Variants in RMDN2 observed in about 807,000 individuals in gnomAD.
RMDN2 encodes regulator of microtubule dynamics 2.
Under a neutral mutation model 52.8 loss-of-function variants are expected in RMDN2, and 61 were observed. That is an observed-to-expected ratio of 1.16 (90% CI 0.94 to 1.43). The LOEUF is 1.43. RMDN2 is among the 40% of genes most tolerant of loss of function. RMDN2 has a pLI of 0.00. For missense variants in RMDN2, 592 were observed against 475.3 expected (o/e 1.25, Z -2.28); for synonymous variants, 180 against 153.1 (o/e 1.18, Z -1.30).
intron 10 of RMDN2, chr2:38,029,464 C>G (rs1680021076): frequency 1.3e-5 from 2 of 152,238 alleles, no homozygotes; most frequent in East Asian, 3.9e-4. Context: ...TTGACCTACC[C>G]TAAGATCTTC....
intron 8 of RMDN2, among the ~76,000 whole-genome samples, chr2:38,000,158 G>A (rs2125173668): frequency 6.6e-6 from 1 of 152,230 alleles, no homozygotes; most frequent in Admixed American, 6.5e-5. Flanking sequence ...AGTCATCTGT[G>A]AATCCCCTGG....
chr2:38,050,115 C>T (rs1280740527), intron 10 of RMDN2, among the ~76,000 whole-genome samples: 2 of 152,162 alleles, frequency 1.3e-5, no homozygotes, highest in Non-Finnish European at 2.9e-5. Context: ...CACATTTCTA[C>T]AAACTGGCAG....
chr2:37,992,861 A>C (rs1163543348), intron 7 of RMDN2, among the ~76,000 whole-genome samples: 1 of 152,158 alleles, frequency 6.6e-6, no homozygotes, highest in Non-Finnish European at 1.5e-5. Context: ...GCCCAGGGTC[A>C]CTCAGCTAAT....
chr2:37,981,419 C>CT (rs1673296964), intron 5 of RMDN2, 76 bp downstream of exon 5: 3 of 925,756 alleles, frequency 3.2e-6, no homozygotes, highest in Non-Finnish European at 5.3e-6. Flanking sequence ...TTTCAAAATA[C>CT]TATTGACTCA....
chr2:37,969,392 T>A (rs1236325019), intron 2 of RMDN2, among the ~76,000 whole-genome samples: 3 of 151,802 alleles, frequency 2.0e-5, no homozygotes, highest in Non-Finnish European at 2.9e-5. Context: ...TTTCAGATAT[T>A]ATTTTGTAAT....
chr2:37,983,765 ACT>A (rs1673629969), intron 5 of RMDN2, among the ~76,000 whole-genome samples: 1 of 152,052 alleles, frequency 6.6e-6, no homozygotes, highest in Non-Finnish European at 1.5e-5. Flanking sequence ...ATTCTGCTGG[ACT>A]CTCTTTAATT....
upstream of RMDN2, among the ~76,000 whole-genome samples, chr2:37,921,167 T>C (rs1666019217): frequency 6.6e-6 from 1 of 152,230 alleles, no homozygotes; most frequent in African/African-American, 2.4e-5. Flanking sequence ...CATTTTTAAT[T>C]TGTTCAGTAT....
intron 10 of RMDN2, among the ~76,000 whole-genome samples, chr2:38,023,026 G>A (rs897660533): frequency 6.6e-6 from 1 of 152,152 alleles, no homozygotes; most frequent in African/African-American, 2.4e-5. Flanking sequence ...ATGTAGAATG[G>A]GGGCTCTAAG....
Position 37,974,963 on chromosome 2 carries a change from A to T in RMDN2, c.628-249A>T, listed in dbSNP as rs1672273945. Reference sequence around the variant, plus strand: ...CCTATCAAATCTCTTCTCTGCATAGATGGAGCTAGTGTCTGGATAATATTA... The same window carrying T: ...CCTATCAAATCTCTTCTCTGCATAGTTGGAGCTAGTGTCTGGATAATATTA... On this transcript the variant is annotated intron_variant, in intron 3 of 10. Transcript: ENST00000354545. The T allele has an allele frequency of 7.2e-6, 3 of 419,156 alleles. No individual in the cohort carries two copies. In the South Asian group the frequency reaches 8.3e-5, roughly 12 times the overall value. The allele number at this position is 419,156 out of a possible 1,614,324, so 26.0% of individuals were successfully genotyped here.
At chr2:37,931,537 G>A (rs1239790324) in intron 2 of RMDN2, among the ~76,000 whole-genome samples, 1 of 152,236 alleles carries the variant, frequency 6.6e-6, no homozygotes, top group Non-Finnish European at 1.5e-5. Context: ...TGCTGAAGGA[G>A]TATAGACCAA....
intron 7 of RMDN2, among the ~76,000 whole-genome samples, chr2:37,994,381 A>G (rs1266816425): frequency 6.6e-6 from 1 of 152,234 alleles, no homozygotes; most frequent in East Asian, 1.9e-4. Flanking sequence ...AGGACTTAAC[A>G]GAGCTTTTCT....
intron 2 of RMDN2, among the ~76,000 whole-genome samples, chr2:37,939,895 T>C (rs142073252): frequency 6.6e-6 from 1 of 152,208 alleles, no homozygotes; most frequent in Non-Finnish European, 1.5e-5. Flanking sequence ...AAGGTTAATA[T>C]TGTTATGTGT....
At chr2:37,953,371 C>A (rs965849523) in intron 2 of RMDN2, among the ~76,000 whole-genome samples, 1 of 151,990 alleles carries the variant, frequency 6.6e-6, no homozygotes, top group East Asian at 1.9e-4. Context: ...TAGCCCTTGT[C>A]AACCATCACT....
intron 2 of RMDN2, among the ~76,000 whole-genome samples, chr2:37,954,822 C>G (rs903294476): frequency 1.3e-5 from 2 of 152,026 alleles, no homozygotes; most frequent in Admixed American, 6.6e-5. Context: ...TATAAACTTT[C>G]AAATCCACAA....
exon 11 of RMDN2, chr2:38,067,052 A>C: frequency 6.5e-7 from 1 of 1,543,102 alleles, no homozygotes; most frequent in African/African-American, 1.4e-5. Flanking sequence ...GGCACAGTGA[A>C]GGCCTGGAGA....
chr2:38,021,849 C>T (rs952375738), downstream of RMDN2, among the ~76,000 whole-genome samples: 25 of 152,326 alleles, frequency 1.6e-4, no homozygotes, highest in Non-Finnish European at 2.9e-5. Flanking sequence ...TCATGTCATG[C>T]TGTGAGGCCC....
intron 10 of RMDN2, among the ~76,000 whole-genome samples, chr2:38,035,598 A>G (rs1370448254): frequency 3.3e-5 from 5 of 152,246 alleles, no homozygotes; most frequent in Non-Finnish European, 7.3e-5. Flanking sequence ...AATAGAATAT[A>G]AAGTCCATAA....
rs977851726 is a variant in RMDN2, at chr2:37,981,353, T to C, written c.791+10T>C. The C allele has an allele frequency of 1.9e-6, 3 of 1,577,826 alleles. No homozygotes were observed. Among genetic ancestry groups the C allele is most frequent in the Non-Finnish European group, 2.6e-6 (3 of 1,147,394 alleles). ...GACATTGTCATCTGTGGTAAGTGTATAGGATTTATGCAGTCTTTTAAATTC... is the reference window on the plus strand; with the variant it reads ...GACATTGTCATCTGTGGTAAGTGTACAGGATTTATGCAGTCTTTTAAATTC... On this transcript the variant is annotated intron_variant, in intron 5 of 10. Coordinates refer to ENST00000354545, the MANE Select transcript of RMDN2 (RefSeq NM_001170791.3).
intron 2 of RMDN2, among the ~76,000 whole-genome samples, chr2:37,941,614 G>A (rs1392821280): frequency 6.6e-6 from 1 of 152,230 alleles, no homozygotes; most frequent in African/African-American, 2.4e-5. Flanking sequence ...AATCTAGAGA[G>A]GCAGTCTGGC....
Sources: allele counts gnomAD v4.1 joint callset (sites outside exome capture counted in the v4.1 genomes callset), GRCh38; gene constraint gnomAD v4.1.1; transcripts MANE v1.5; gene names NCBI Gene and HGNC (gene_info 2026-07-23, HGNC 2026-07-21).